NRG3: variants seen among roughly 807,000 people sequenced by gnomAD.
NRG3 encodes the protein pro-neuregulin-3, membrane-bound isoform.
A neutral mutation model predicts 66.9 loss-of-function variants in NRG3; 31 were observed. The observed-to-expected ratio is 0.46, with a 90% confidence interval of 0.35 to 0.63. The LOEUF is 0.63. Among genes scored for constraint, NRG3 ranks in the 20% least tolerant of loss-of-function variants. The pLI is 0.00. For missense variants in NRG3, 910 were observed against 878.9 expected, an observed-to-expected ratio of 1.04 and a Z score of -0.45; for synonymous variants, 393 against 359.4, an observed-to-expected ratio of 1.09 and a Z score of -1.06.
chr10:82,843,006 A>G (rs1026463993), intron 3 of NRG3, among the ~76,000 whole-genome samples: 16 of 152,370 alleles, frequency 1.1e-4, no homozygotes, highest in African/African-American at 3.6e-4. Flanking sequence ...AATATACTGT[A>G]CTAGACACTA....
At chr10:82,629,082 C>A (rs1440344776) in intron 2 of NRG3, among the ~76,000 whole-genome samples, 5 of 152,100 alleles carry the variant, frequency 3.3e-5, no homozygotes, top group Non-Finnish European at 1.5e-5. Flanking sequence ...GAGGATAAAA[C>A]TACTGAAAGA....
chr10:82,084,765 CTGAG>C (rs2065622019), intron 1 of NRG3, among the ~76,000 whole-genome samples: 1 of 152,120 alleles, frequency 6.6e-6, no homozygotes. Context: ...CATTTCAACT[CTGAG>C]TTAGTTCCAG....
intron 2 of NRG3, among the ~76,000 whole-genome samples, chr10:82,447,607 T>TA (rs2090801510): frequency 6.6e-6 from 1 of 152,252 alleles, no homozygotes; most frequent in African/African-American, 2.4e-5. Context: ...CACACACACT[T>TA]ACCTATGGCT....
At chr10:82,162,242 A>G (rs2071655739) in intron 1 of NRG3, among the ~76,000 whole-genome samples, 1 of 152,156 alleles carries the variant, frequency 6.6e-6, no homozygotes, top group Non-Finnish European at 1.5e-5. Flanking sequence ...CTTGATAGCT[A>G]AAGGAGAGGT....
chr10:81,960,473 G>A (rs1589603719), intron 1 of NRG3, among the ~76,000 whole-genome samples: 1 of 152,016 alleles, frequency 6.6e-6, no homozygotes, highest in Non-Finnish European at 1.5e-5. Flanking sequence ...CCTTATGAAA[G>A]GTTTGTAATT....
intron 1 of NRG3, among the ~76,000 whole-genome samples, chr10:82,024,098 A>G (rs1255073684): frequency 6.6e-6 from 1 of 151,870 alleles, no homozygotes; most frequent in Non-Finnish European, 1.5e-5. Flanking sequence ...TGTGTGCAGG[A>G]ATTTATCCAC....
At chr10:82,567,425 C>T (rs773360242) in intron 2 of NRG3, among the ~76,000 whole-genome samples, 3 of 151,848 alleles carry the variant, frequency 2.0e-5, no homozygotes, top group Non-Finnish European at 4.4e-5. Context: ...ATACACACTA[C>T]CCACAGTTAA....
rs117494955 is a variant in NRG3, at chr10:81,899,148, C to T, written c.823+22985C>T. ...GTTTAGTTATGCATTTTTAAAACTC[C>T]GATTCTCCAAATTTGGAATAATGGT... On this transcript the variant is annotated intron_variant, in intron 1 of 8. Transcript: ENST00000372141. 7.9e-4 allele frequency among the ~76,000 whole-genome samples: 120 copies of T among 152,178 alleles called. No individual in the cohort carries two copies. In the East Asian group the frequency reaches 0.021, roughly 26 times the overall value.
intron 2 of NRG3, among the ~76,000 whole-genome samples, chr10:82,718,082 T>TA (rs2057084172): frequency 6.6e-6 from 1 of 152,114 alleles, no homozygotes; most frequent in Non-Finnish European, 1.5e-5. Flanking sequence ...GGAAGACATT[T>TA]AAAAAAATAA....
At chr10:81,930,511 A>G (rs1367773910) in intron 1 of NRG3, among the ~76,000 whole-genome samples, 3 of 121,018 alleles carry the variant, frequency 2.5e-5, no homozygotes, top group Admixed American at 8.0e-5. Flanking sequence ...TATTACCTGG[A>G]AAAAAAAAAA....
intron 2 of NRG3, among the ~76,000 whole-genome samples, chr10:82,362,079 C>CAAAA (rs58975630): frequency 2.9e-4 from 4 of 13,924 alleles, no homozygotes; most frequent in East Asian, 3.7e-3. Flanking sequence ...AAAGTACATG[C>CAAAA]AAAAAAAAAA....
At chr10:82,880,239 G>A (rs1215659129) in intron 4 of NRG3, among the ~76,000 whole-genome samples, 1 of 151,912 alleles carries the variant, frequency 6.6e-6, no homozygotes. Flanking sequence ...TTTGGTTTGG[G>A]GAAAACTGCT....
chr10:82,952,258 C>T (rs549231918), intron 5 of NRG3, among the ~76,000 whole-genome samples: 1 of 151,842 alleles, frequency 6.6e-6, no homozygotes, highest in Non-Finnish European at 1.5e-5. Flanking sequence ...TATGGTGAAA[C>T]CCCATCTCTA....
At chr10:82,779,893 G>A (rs535521159) in intron 3 of NRG3, among the ~76,000 whole-genome samples, 1 of 133,836 alleles carries the variant, frequency 7.5e-6, no homozygotes, top group South Asian at 2.5e-4. Context: ...CCCCCGACAG[G>A]CCCCGGTGTG....
At chr10:81,886,174 TA>T (rs1564632490) in intron 1 of NRG3, among the ~76,000 whole-genome samples, 2 of 151,988 alleles carry the variant, frequency 1.3e-5, no homozygotes, top group African/African-American at 2.4e-5. Flanking sequence ...TAAATAAAAT[TA>T]AAAAACAAAA....
intron 4 of NRG3, among the ~76,000 whole-genome samples, chr10:82,938,551 T>C (rs553631870): frequency 6.6e-6 from 1 of 152,138 alleles, no homozygotes; most frequent in Non-Finnish European, 1.5e-5. Context: ...CTGATTATGT[T>C]TGTAGATCTT....
intron 2 of NRG3, among the ~76,000 whole-genome samples, chr10:82,735,051 A>AGGGAGGAAGG (rs1379434165): frequency 2.0e-5 from 3 of 151,742 alleles, no homozygotes; most frequent in African/African-American, 7.3e-5. Flanking sequence ...AGAAGGAAGG[A>AGGGAGGAAGG]GGGAGGAAGG....
intron 1 of NRG3, among the ~76,000 whole-genome samples, chr10:82,182,299 C>T (rs12252726): frequency 0.088 from 13,277 of 151,396 alleles, 867 homozygotes; most frequent in East Asian, 0.22. Context: ...TGTTTTCTTT[C>T]GTTTTTGTAG....
intron 1 of NRG3, among the ~76,000 whole-genome samples, chr10:82,225,678 C>T (rs1452263656): frequency 6.6e-6 from 1 of 152,120 alleles, no homozygotes; most frequent in African/African-American, 2.4e-5. Context: ...ACTCATGTCC[C>T]ACACAGATGT....
Sources: gnomAD v4.1 joint callset for allele counts (sites outside exome capture counted in the v4.1 genomes callset) on GRCh38, gnomAD v4.1.1 for gene constraint, MANE v1.5 for transcripts, NCBI Gene and HGNC (gene_info 2026-07-23, HGNC 2026-07-21) for gene names.